IRAK2: variants seen among roughly 807,000 people sequenced by gnomAD.
IRAK2 encodes the protein interleukin-1 receptor-associated kinase-like 2.
In IRAK2, 57 loss-of-function variants were observed where a neutral mutation model predicts 72.0. That is an observed-to-expected ratio of 0.79 (90% confidence interval 0.64 to 0.99). The LOEUF is 0.99. IRAK2 is among the 50% of genes least tolerant of loss of function. The pLI is 0.00. For missense variants in IRAK2, 790 were observed against 794.4 expected, an observed-to-expected ratio of 0.99 and a Z score of 0.07; for synonymous variants, 293 against 312.7, an observed-to-expected ratio of 0.94 and a Z score of 0.67.
chr3:10,238,112 GCACA>G (rs369868848), intron 11 of IRAK2, among the ~76,000 whole-genome samples: 5 of 151,674 alleles, frequency 3.3e-5, no homozygotes, highest in African/African-American at 1.2e-4. Context: ...ACACGTGCAC[GCACA>G]CACACACAGA....
chr3:10,217,322 GA>G (rs1323376864), intron 7 of IRAK2, among the ~76,000 whole-genome samples: 1 of 152,184 alleles, frequency 6.6e-6, no homozygotes, highest in African/African-American at 2.4e-5. Context: ...AGCTCAAAAA[GA>G]TCTGATTAAA....
chr3:10,238,659 C>T, intron 11 of IRAK2, 89 bp from the exon 12 acceptor site: 1 of 1,279,842 alleles, frequency 7.8e-7, no homozygotes, highest in Non-Finnish European at 1.1e-6. Flanking sequence ...AGTCTGCTCC[C>T]CGCCCCCTCT....
chr3:10,234,435 G>C (rs768528689), intron 10 of IRAK2, 24 bp from the exon 11 acceptor site: 1 of 1,605,136 alleles, frequency 6.2e-7, no homozygotes, highest in African/African-American at 1.3e-5. Flanking sequence ...TCACGCAAGG[G>C]CGTTTCTACC....
intron 3 of IRAK2, among the ~76,000 whole-genome samples, chr3:10,204,819 T>G (rs1697411568): frequency 6.6e-6 from 1 of 151,946 alleles, no homozygotes; most frequent in Non-Finnish European, 1.5e-5. Flanking sequence ...AGCATTTCCA[T>G]AGGAAATGGT....
chr3:10,226,715 C>G (rs1559452168), intron 10 of IRAK2, among the ~76,000 whole-genome samples: 1 of 151,838 alleles, frequency 6.6e-6, no homozygotes. Flanking sequence ...ACCAGGAGTT[C>G]AAGACCAGCC....
At chr3:10,201,212 A>T (rs1458522556) in intron 3 of IRAK2, among the ~76,000 whole-genome samples, 5 of 152,256 alleles carry the variant, frequency 3.3e-5, no homozygotes, top group Non-Finnish European at 5.9e-5. Context: ...TATTGTGATT[A>T]TGCCCATTTC....
intron 7 of IRAK2, among the ~76,000 whole-genome samples, chr3:10,218,341 T>G (rs915490648): frequency 2.7e-5 from 4 of 150,738 alleles, no homozygotes; most frequent in African/African-American, 4.9e-5. Context: ...GGAGAATCAC[T>G]TGAACCCGGG....
At position 10,216,956 on chromosome 3, in the gene IRAK2, C is replaced by A; in HGVS notation, c.811C>A (p.Pro271Thr). 6.2e-7 allele frequency: 1 copy of A among 1,614,082 alleles called. No homozygotes were observed. Among genetic ancestry groups the A allele is most frequent in the Non-Finnish European group, 8.5e-7 (1 of 1,179,948 alleles). ...CLRCCHPNVLPVLGFCAARQF... is the reference protein window; with the variant it reads ...CLRCCHPNVLTVLGFCAARQF... ...CAGATGCTGCCACCCCAATGTCTTA[C>A]CTGTGCTGGGCTTCTGTGCTGCAAG... Residue 271 changes from proline to threonine, a missense_variant, in exon 7 of 13, where the codon CCT becomes ACT. Physicochemically the swap from Pro to Thr is conservative, Grantham distance 38. Transcript: ENST00000256458.
intron 10 of IRAK2, among the ~76,000 whole-genome samples, chr3:10,227,809 C>T (rs1232069251): frequency 6.6e-6 from 1 of 151,980 alleles, no homozygotes; most frequent in Non-Finnish European, 1.5e-5. Flanking sequence ...GCTGGGACTA[C>T]AGGCGCCCAC....
intron 2 of IRAK2, among the ~76,000 whole-genome samples, chr3:10,186,783 CTTTTTTT>C (rs4020034): frequency 6.4e-5 from 8 of 124,732 alleles, no homozygotes; most frequent in Non-Finnish European, 8.3e-5. Context: ...TCTTTCTTTC[CTTTTTTT>C]TTTTTTTTTT....
At chr3:10,234,202 C>G (rs1241896474) in intron 10 of IRAK2, among the ~76,000 whole-genome samples, 1 of 152,100 alleles carries the variant, frequency 6.6e-6, no homozygotes, top group Non-Finnish European at 1.5e-5. Context: ...TCCTGATGAA[C>G]CAACCGAGGC....
intron 3 of IRAK2, among the ~76,000 whole-genome samples, chr3:10,201,984 AC>A (rs752370903): frequency 1.3e-5 from 2 of 152,104 alleles, no homozygotes; most frequent in Non-Finnish European, 2.9e-5. Context: ...AGAATAATAG[AC>A]CCTATTTCAT....
rs570931911 is a variant in IRAK2, at chr3:10,177,857, C to G, written c.114C>G (p.Asp38Glu). 1.5e-5 allele frequency: 24 copies of G among 1,613,270 alleles called. 1 individual carries two copies. In the East Asian group the frequency reaches 5.1e-4, roughly 34 times the overall value. Reference protein sequence around the residue: ...WMEFASYVITDLTQLRKIKSM... With the variant: ...WMEFASYVITELTQLRKIKSM... ...TTCCAGCCTCCTACGTGATCACAGA[C>G]CTGACCCAGCTGCGGAAGATCAAGT... Residue 38 changes from aspartate (D) to glutamate (E), a missense_variant, in exon 2 of 13, where the codon GAC (aspartate) becomes GAG (glutamate). Transcript: ENST00000256458.
intron 1 of IRAK2, among the ~76,000 whole-genome samples, chr3:10,176,602 C>T (rs970012728): frequency 6.6e-6 from 1 of 151,464 alleles, no homozygotes; most frequent in African/African-American, 2.4e-5. Context: ...CTCAGCCTCC[C>T]GAGTAGCTGG....
At position 10,219,736 on chromosome 3, in the gene IRAK2, C is replaced by G. The variant is rs533972093; in HGVS notation, c.960C>G (p.Leu320=). 1 of 1,613,926 alleles carries G rather than the reference C, an allele frequency of 6.2e-7. No homozygotes were observed. The change falls in exon 8 of 13, where the codon CTC becomes CTG. Residue 320 remains leucine, a synonymous_variant. Transcript: ENST00000256458. ...PQRVSICSGL[L]CAVEYLHGLE... ...GTGTCAGCATCTGCTCAGGGCTGCT[C>G]TGTGCCGTCGAGTACCTGCATGGTC...
chr3:10,203,154 G>A (rs1356268629), intron 3 of IRAK2, among the ~76,000 whole-genome samples: 2 of 151,746 alleles, frequency 1.3e-5, no homozygotes, highest in Non-Finnish European at 2.9e-5. Flanking sequence ...GCACCACCAC[G>A]TCTGACTGAT....
At chr3:10,237,929 C>CTGTGTGTGTGTGTGTG (rs138639711) in intron 11 of IRAK2, among the ~76,000 whole-genome samples, 27 of 138,328 alleles carry the variant, frequency 2.0e-4, no homozygotes, top group Non-Finnish European at 2.5e-4. Flanking sequence ...TATGTGTGCT[C>CTGTGTGTGTGTGTGTG]TGTGTGTGTG....
intron 4 of IRAK2, among the ~76,000 whole-genome samples, chr3:10,210,923 G>A (rs892412080): frequency 6.6e-6 from 1 of 152,076 alleles, no homozygotes; most frequent in African/African-American, 2.4e-5. Context: ...GCAGTGGCAC[G>A]ATCTTGGTCA....
At chr3:10,172,583 T>C (rs1336971335) in intron 1 of IRAK2, among the ~76,000 whole-genome samples, 6 of 144,054 alleles carry the variant, frequency 4.2e-5, no homozygotes, top group African/African-American at 1.5e-4. Context: ...CTCATGCCTG[T>C]AATCCCAGCA....
Sources: gnomAD v4.1 joint callset for allele counts (sites outside exome capture counted in the v4.1 genomes callset) on GRCh38, gnomAD v4.1.1 for gene constraint, MANE v1.5 for transcripts, NCBI Gene and HGNC (gene_info 2026-07-23, HGNC 2026-07-21) for gene names.